SLC39A11: variants seen among roughly 807,000 people sequenced by gnomAD.
SLC39A11 encodes the protein zinc transporter ZIP11.
In SLC39A11, 33 loss-of-function variants were observed where a neutral mutation model predicts 36.1. That is an observed-to-expected ratio of 0.91 (90% CI 0.69 to 1.22). SLC39A11 has a LOEUF of 1.22. SLC39A11 is among the 50% of genes most tolerant of loss of function. The pLI, the probability that SLC39A11 is intolerant of heterozygous loss-of-function variation, is 0.00. For missense variants in SLC39A11, 432 were observed against 430.3 expected, an observed-to-expected ratio of 1.00 and a Z score of -0.03; for synonymous variants, 166 against 170.3, an observed-to-expected ratio of 0.97 and a Z score of 0.20.
At chr17:72,986,790 C>A (rs1466969270) in intron 4 of SLC39A11, among the ~76,000 whole-genome samples, 1 of 152,294 alleles carries the variant, frequency 6.6e-6, no homozygotes, top group South Asian at 2.1e-4. Context: ...CTTTGGGAGG[C>A]TGAGGCAGGC....
At chr17:72,776,610 GAAAAAAAAAA>G in intron 6 of SLC39A11, among the ~76,000 whole-genome samples, 1 of 119,850 alleles carries the variant, frequency 8.3e-6, no homozygotes, top group East Asian at 2.5e-4. Context: ...ACTTTGCATG[GAAAAAAAAAA>G]AAAAAAAAAC....
rs999576461 is a variant in SLC39A11 at position 72,787,548 on chromosome 17, G to A, written c.602-50829C>T. Among the ~76,000 whole-genome samples, 6 of 151,920 alleles carry A rather than the reference G, an allele frequency of 3.9e-5. No homozygotes were observed. The East Asian group carries it at 5.8e-4, about 15-fold the overall frequency. ...CTGGGATTACAGGCGTGAGCCACCC[G>A]CCCGGCCAACCCATGGCTTTCAAGG... is the stretch of plus-strand genomic sequence containing the variant. On this transcript the variant is annotated intron_variant, in intron 6 of 9. Transcript: ENST00000255559.
chr17:72,943,451 G>T (rs2085245607), intron 5 of SLC39A11, among the ~76,000 whole-genome samples: 1 of 152,180 alleles, frequency 6.6e-6, no homozygotes, highest in Non-Finnish European at 1.5e-5. Context: ...GATCTGCAAG[G>T]CTGTGTAGGC....
At chr17:72,659,033 C>T (rs971048838) in intron 7 of SLC39A11, among the ~76,000 whole-genome samples, 6 of 152,278 alleles carry the variant, frequency 3.9e-5, no homozygotes, top group African/African-American at 9.6e-5. Flanking sequence ...CTCAATTATA[C>T]GACCTCCTGG....
chr17:73,019,383 CAT>C (rs1383959949), intron 4 of SLC39A11, among the ~76,000 whole-genome samples: 1 of 152,036 alleles, frequency 6.6e-6, no homozygotes, highest in Non-Finnish European at 1.5e-5. Context: ...AGATTTATGA[CAT>C]GTGAAGAAAT....
chr17:72,771,323 C>T (rs536060873), intron 6 of SLC39A11, among the ~76,000 whole-genome samples: 2 of 149,378 alleles, frequency 1.3e-5, no homozygotes, highest in Admixed American at 6.7e-5. Context: ...TGCACTCCAG[C>T]CTGAGCTGGG....
intron 6 of SLC39A11, among the ~76,000 whole-genome samples, chr17:72,784,431 G>C (rs2144941709): frequency 6.6e-6 from 1 of 152,292 alleles, no homozygotes. Flanking sequence ...CAGGGGGTTT[G>C]ACACCAGAAT....
intron 4 of SLC39A11, among the ~76,000 whole-genome samples, chr17:72,965,175 C>T (rs989457706): frequency 1.4e-4 from 21 of 151,884 alleles, no homozygotes; most frequent in African/African-American, 3.9e-4. Context: ...GTGCAGCACA[C>T]CAACATGGCA....
intron 4 of SLC39A11, among the ~76,000 whole-genome samples, chr17:72,983,507 G>A (rs1332216706): frequency 6.6e-6 from 1 of 152,184 alleles, no homozygotes; most frequent in East Asian, 1.9e-4. Context: ...GATGTGCTAA[G>A]ATGGAACTCC....
intron 5 of SLC39A11, among the ~76,000 whole-genome samples, chr17:72,881,676 G>A (rs369563764): frequency 5.3e-4 from 81 of 152,138 alleles, no homozygotes; most frequent in African/African-American, 1.8e-3. Context: ...TGCAAAATAC[G>A]ACAAAATCTG....
chr17:72,960,849 T>C (rs2147919668), intron 4 of SLC39A11, among the ~76,000 whole-genome samples: 1 of 152,108 alleles, frequency 6.6e-6, no homozygotes, highest in African/African-American at 2.4e-5. Context: ...CCTTCCTTTT[T>C]CTTCACCACA....
intron 6 of SLC39A11, among the ~76,000 whole-genome samples, chr17:72,759,609 G>A (rs2075498390): frequency 6.6e-6 from 1 of 152,124 alleles, no homozygotes; most frequent in African/African-American, 2.4e-5. Flanking sequence ...ATCTTAGGAG[G>A]AGATAAGCCA....
Position 72,999,457 on chromosome 17 carries a change from GGCT to G in SLC39A11, c.306+32096_306+32098del, listed in dbSNP as rs2089695999. ...ACTCTGCAGGGAAAGATCCGCTCCA[GGCT>G]GCTAATCATTAGCCTACCTGCTGCA... On this transcript the variant is annotated intron_variant, in intron 4 of 9. Coordinates refer to ENST00000255559, the MANE Select transcript of SLC39A11 (RefSeq NM_139177.4). 2.0e-5 allele frequency among the ~76,000 whole-genome samples: 3 copies of G among 152,192 alleles called. No homozygotes were observed. The South Asian group carries it at 6.2e-4, about 31-fold the overall frequency.
intron 7 of SLC39A11, among the ~76,000 whole-genome samples, chr17:72,705,682 C>T (rs1299564577): frequency 6.6e-6 from 1 of 152,224 alleles, no homozygotes; most frequent in Non-Finnish European, 1.5e-5. Flanking sequence ...GGTCCCTGCT[C>T]TTACATTAAT....
chr17:72,808,213 C>A (rs893062708), intron 6 of SLC39A11, among the ~76,000 whole-genome samples: 1 of 152,196 alleles, frequency 6.6e-6, no homozygotes, highest in Non-Finnish European at 1.5e-5. Context: ...GAACTACCAT[C>A]TAGGGGGATT....
intron 4 of SLC39A11, among the ~76,000 whole-genome samples, chr17:72,977,458 A>G (rs1173002530): frequency 1.3e-5 from 2 of 152,172 alleles, no homozygotes; most frequent in Non-Finnish European, 2.9e-5. Context: ...ACACAGCAAG[A>G]GAAAACTAAA....
intron 3 of SLC39A11, among the ~76,000 whole-genome samples, chr17:73,083,015 CAAAA>C (rs34607510): frequency 3.3e-5 from 3 of 89,784 alleles, no homozygotes; most frequent in African/African-American, 4.5e-5. Context: ...GACTCCATTT[CAAAA>C]AAAAAAAAAA....
intron 6 of SLC39A11, among the ~76,000 whole-genome samples, chr17:72,761,236 T>C (rs2075566557): frequency 6.6e-6 from 1 of 152,136 alleles, no homozygotes; most frequent in South Asian, 2.1e-4. Context: ...TGCTTCAGCC[T>C]CTTGAGTAGC....
intron 3 of SLC39A11, among the ~76,000 whole-genome samples, chr17:73,067,369 A>C (rs1476579119): frequency 1.3e-5 from 2 of 152,184 alleles, no homozygotes; most frequent in African/African-American, 2.4e-5. Flanking sequence ...AGATGTGATG[A>C]CTTGAGCTCC....
Sources: allele counts gnomAD v4.1 joint callset (sites outside exome capture counted in the v4.1 genomes callset), GRCh38; gene constraint gnomAD v4.1.1; transcripts MANE v1.5; gene names NCBI Gene and HGNC (gene_info 2026-07-23, HGNC 2026-07-21).